The following ACSS3 variants were observed in gnomAD, a reference collection of about 807,000 sequenced individuals.
ACSS3 encodes the protein acyl-CoA synthetase short chain family member 3.
ACSS3 carries 64 observed loss-of-function variants against 84.2 expected under a neutral mutation model. That is an observed-to-expected ratio of 0.76 (90% confidence interval 0.62 to 0.94). The LOEUF is 0.94. Among genes scored for constraint, ACSS3 ranks in the 40% least tolerant of loss-of-function variants. The pLI is 0.00. For synonymous variants in ACSS3, 317 were observed against 310.1 expected, an observed-to-expected ratio of 1.02 and a Z score of -0.23; for missense variants, 815 against 867.6, an observed-to-expected ratio of 0.94 and a Z score of 0.76.
chr12:81,259,729 C>T lies in ACSS3; in HGVS notation c.*4807C>T. 5.1e-6 allele frequency: 7 copies of T among 1,383,960 alleles called. No homozygotes were observed. Among genetic ancestry groups the T allele is most frequent in the Non-Finnish European group, 6.9e-6 (7 of 1,011,444 alleles). The allele number at this position is 1,383,960 out of a possible 1,614,324, so 85.7% of individuals were successfully genotyped here. A position where few individuals can be genotyped will look rare whatever the true frequency, so the allele number is the denominator to read the frequency against. On this transcript the variant is annotated 3_prime_UTR_variant, in exon 16 of 16. Transcript: ENST00000548058. Reference sequence around the variant, plus strand: ...GACTGGGAAATCTCATTCTACTCCTCTGTGGTGTACCTCCACGCAGCCTGC... The same window carrying T: ...GACTGGGAAATCTCATTCTACTCCTTTGTGGTGTACCTCCACGCAGCCTGC...
At chr12:81,230,063 T>C (rs1281777338) in intron 11 of ACSS3, among the ~76,000 whole-genome samples, 2 of 151,912 alleles carry the variant, frequency 1.3e-5, no homozygotes, top group East Asian at 1.9e-4. Flanking sequence ...TGTCATCTTA[T>C]GTGGACACTA....
At chr12:81,198,099 C>T (rs1421486778) in intron 8 of ACSS3, among the ~76,000 whole-genome samples, 3 of 152,112 alleles carry the variant, frequency 2.0e-5, no homozygotes, top group Non-Finnish European at 4.4e-5. Flanking sequence ...TCTCAATTTC[C>T]ACACTCTAAG....
At chr12:81,186,120 CT>C (rs2031238978) in intron 8 of ACSS3, among the ~76,000 whole-genome samples, 1 of 151,636 alleles carries the variant, frequency 6.6e-6, no homozygotes, top group Non-Finnish European at 1.5e-5. Flanking sequence ...AAAATAGTCA[CT>C]TTAATAAATG....
At chr12:81,082,907 A>T (rs977468568) in intron 1 of ACSS3, among the ~76,000 whole-genome samples, 1 of 152,226 alleles carries the variant, frequency 6.6e-6, no homozygotes, top group East Asian at 1.9e-4. Context: ...TCCCTGACAC[A>T]TACAACTAGA....
At chr12:81,149,946 G>T (rs1051839452) in intron 5 of ACSS3, among the ~76,000 whole-genome samples, 1 of 152,006 alleles carries the variant, frequency 6.6e-6, no homozygotes, top group Non-Finnish European at 1.5e-5. Flanking sequence ...GGTCAGATGG[G>T]TTTAAGTATT....
intron 8 of ACSS3, among the ~76,000 whole-genome samples, chr12:81,176,939 C>T (rs949916279): frequency 2.6e-5 from 4 of 152,234 alleles, no homozygotes; most frequent in East Asian, 1.9e-4. Context: ...CAAACTGGAA[C>T]GAGCAGCACA....
intron 11 of ACSS3, among the ~76,000 whole-genome samples, chr12:81,223,188 G>A (rs1164296493): frequency 2.6e-5 from 4 of 151,948 alleles, no homozygotes; most frequent in African/African-American, 9.7e-5. Context: ...ATGGACAAAC[G>A]TTTTCCTCTG....
intron 7 of ACSS3, among the ~76,000 whole-genome samples, chr12:81,165,023 T>A (rs1001127810): frequency 3.3e-5 from 5 of 152,212 alleles, no homozygotes; most frequent in African/African-American, 9.6e-5. Flanking sequence ...AGAAAAATGA[T>A]GACTCAGCTA....
chr12:81,080,612 T>G (rs1488838296), intron 1 of ACSS3, among the ~76,000 whole-genome samples: 1 of 152,132 alleles, frequency 6.6e-6, no homozygotes, highest in Non-Finnish European at 1.5e-5. Flanking sequence ...AGGAGACCAA[T>G]CTTAAATTTC....
At chr12:81,158,653 C>T (rs1295146473) in intron 7 of ACSS3, among the ~76,000 whole-genome samples, 3 of 152,062 alleles carry the variant, frequency 2.0e-5, no homozygotes. Context: ...ACCACATGCT[C>T]CTGTTTCCCT....
chr12:81,180,213 A>C (rs573397898), intron 8 of ACSS3, among the ~76,000 whole-genome samples: 1 of 152,306 alleles, frequency 6.6e-6, no homozygotes, highest in East Asian at 1.9e-4. Context: ...GGAACAATAG[A>C]CACAAGGGGT....
intron 3 of ACSS3, among the ~76,000 whole-genome samples, chr12:81,138,051 T>C (rs1436401358): frequency 6.6e-6 from 1 of 152,146 alleles, no homozygotes; most frequent in African/African-American, 2.4e-5. Flanking sequence ...CAGGCAATAC[T>C]ATATATGCAT....
Position 81,078,267 on chromosome 12 carries a change from G to A in ACSS3, c.147G>A (p.Arg49=), listed in dbSNP as rs1297280164. The change falls in exon 1 of 16, where the codon CGG becomes CGA. Residue 49 remains arginine (R), a synonymous_variant. Coordinates refer to ENST00000548058, the MANE Select transcript of ACSS3 (RefSeq NM_024560.4). ...VPGPRGGLGG[R]GCRALSSGSG... ...GCCCGCGGGGCGGTCTCGGGGGCCG[G>A]GGATGCAGGGCACTGTCCTCCGGCA... 6.2e-7 allele frequency: 1 copy of A among 1,610,454 alleles called. No homozygotes were observed. The highest frequency in any genetic ancestry group is 1.7e-5 in the Admixed American group (1 of 59,916).
Position 81,242,638 on chromosome 12 carries a change from C to T in ACSS3, c.1719+9167C>T, listed in dbSNP as rs981778457. On this transcript the variant is annotated intron_variant, in intron 13 of 15. Transcript: ENST00000548058. ...AATACTGGCAAACTGAATCCAGCAG[C>T]ACATCAAAAAGTTTATCCACCATGA... Among the ~76,000 whole-genome samples, 2 of 145,094 alleles carry T rather than the reference C, an allele frequency of 1.4e-5. 1 individual carries two copies. Among genetic ancestry groups the T allele is most frequent in the East Asian group, 3.9e-4 (2 of 5,094 alleles).
At chr12:81,179,296 GA>G (rs1269398997) in intron 8 of ACSS3, among the ~76,000 whole-genome samples, 51,938 of 114,722 alleles carry the variant, frequency 0.45, 10,883 homozygotes, top group Non-Finnish European at 0.51. Flanking sequence ...AAAAGAAAAA[GA>G]AAAAAAAAAC....
At chr12:81,136,332 A>C (rs1885801377) in intron 3 of ACSS3, among the ~76,000 whole-genome samples, 1 of 152,140 alleles carries the variant, frequency 6.6e-6, no homozygotes, top group Admixed American at 6.6e-5. Context: ...TCTCTATCGC[A>C]CCTACTCAGC....
At chr12:81,182,275 A>C (rs1187778535) in intron 8 of ACSS3, among the ~76,000 whole-genome samples, 2 of 152,170 alleles carry the variant, frequency 1.3e-5, no homozygotes, top group Non-Finnish European at 2.9e-5. Context: ...AACAAACACA[A>C]AACTGCTAGC....
chr12:81,225,770 A>G (rs938497095), intron 11 of ACSS3, among the ~76,000 whole-genome samples: 1 of 151,922 alleles, frequency 6.6e-6, no homozygotes, highest in Non-Finnish European at 1.5e-5. Context: ...TGTATCGTTA[A>G]TGTGTAGCAC....
intron 9 of ACSS3, among the ~76,000 whole-genome samples, chr12:81,200,701 AC>A (rs2032057147): frequency 6.7e-6 from 1 of 150,092 alleles, no homozygotes; most frequent in Non-Finnish European, 1.5e-5. Context: ...GGAGTTACAG[AC>A]CAGCCTGGCC....
Sources: allele counts gnomAD v4.1 joint callset (sites outside exome capture counted in the v4.1 genomes callset), GRCh38; gene constraint gnomAD v4.1.1; transcripts MANE v1.5; gene names NCBI Gene and HGNC (gene_info 2026-07-23, HGNC 2026-07-21).